Variants in IL1RAPL1 observed in about 807,000 individuals in gnomAD.
IL1RAPL1 encodes the protein interleukin-1 receptor accessory protein-like 1.
Under a neutral mutation model 48.4 loss-of-function variants are expected in IL1RAPL1, and 3 were observed. That is an observed-to-expected ratio of 0.06 (90% confidence interval 0.03 to 0.16). The LOEUF (loss-of-function observed/expected upper bound fraction) is 0.16. Among genes scored for constraint, IL1RAPL1 ranks in the 10% least tolerant of loss-of-function variants. The probability of loss-of-function intolerance (pLI) is 1.00; values close to 1 mark genes in which losing one functional copy is unlikely to be tolerated. For synonymous variants in IL1RAPL1, 185 were observed against 187.7 expected (o/e 0.99, Z 0.12); for missense variants, 349 against 530.6 (o/e 0.66, Z 3.36).
At position 29,928,549 on chromosome X, in the gene IL1RAPL1, C is replaced by T. The variant is rs1368165833; in HGVS notation, c.1057+8455C>T. Among the ~76,000 whole-genome samples the T allele has an allele frequency of 8.9e-5, 10 of 112,052 alleles. No homozygotes were observed. The East Asian group carries it at 2.5e-3, about 28-fold the overall frequency. ...CATATAATGCTGTTGTTTGAAAAAG[C>T]GACAAATCATTCTAATTCAACAAAT... is the stretch of plus-strand genomic sequence containing the variant. On this transcript the variant is annotated intron_variant, in intron 8 of 10. Transcript: ENST00000378993.
chrX:29,165,713 G>A (rs778615642), intron 2 of IL1RAPL1, among the ~76,000 whole-genome samples: 3 of 111,729 alleles, frequency 2.7e-5, no homozygotes, highest in Admixed American at 1.9e-4. Context: ...TTTCTCTTAC[G>A]CTGTGCTATA....
At chrX:29,086,414 C>T (rs368739936) in intron 2 of IL1RAPL1, among the ~76,000 whole-genome samples, 1 of 112,219 alleles carries the variant, frequency 8.9e-6, no homozygotes, top group Non-Finnish European at 1.9e-5. Context: ...ATCTGTCAAT[C>T]TCAAGGTAGA....
chrX:29,492,761 A>C (rs1413234858), intron 5 of IL1RAPL1, among the ~76,000 whole-genome samples: 1 of 111,948 alleles, frequency 8.9e-6, no homozygotes, highest in Non-Finnish European at 1.9e-5. Context: ...GTACAAGGAA[A>C]TATTCATATA....
chrX:29,582,350 TTTTTTTTTTTA>T (rs1922993743), intron 5 of IL1RAPL1, among the ~76,000 whole-genome samples: 1 of 67,851 alleles, frequency 1.5e-5, no homozygotes, highest in Non-Finnish European at 2.7e-5. Context: ...AGATAGCATC[TTTTTTTTTTTA>T]TTTTTTTATT....
Position 29,910,787 on chromosome X carries a change from G to A in IL1RAPL1, c.779-6677G>A, listed in dbSNP as rs190567010. Among the ~76,000 whole-genome samples, 3 of 110,780 alleles carry A rather than the reference G, an allele frequency of 2.7e-5. No homozygotes were observed. In the East Asian group the frequency reaches 8.5e-4, roughly 31 times the overall value. ...TAGCTATATTTAATAATAAAATTTT[G>A]GTTTAATATGAATGTTAGGGACCAC... On this transcript the variant is annotated intron_variant, in intron 6 of 10. Transcript: ENST00000378993.
chrX:28,922,551 A>G (rs746646825), intron 2 of IL1RAPL1, among the ~76,000 whole-genome samples: 1 of 111,949 alleles, frequency 8.9e-6, no homozygotes, highest in South Asian at 3.7e-4. Flanking sequence ...CTGTTGATTC[A>G]TTTCAGAACA....
At chrX:29,753,485 T>G (rs903192020) in intron 6 of IL1RAPL1, among the ~76,000 whole-genome samples, 4 of 112,191 alleles carry the variant, frequency 3.6e-5, no homozygotes, top group Non-Finnish European at 7.5e-5. Context: ...AAGGACAGCC[T>G]TTTGTGTGAC....
rs7062123 is a variant in IL1RAPL1 at position 28,697,844 on chromosome X, G to A, written c.-24-91476G>A. ...AGCATTCAATTTTGATAACAGTGGT[G>A]GGTCCAGAAATCTCAAAAGGCTGAA... On this transcript the variant is annotated intron_variant, in intron 1 of 10. Transcript: ENST00000378993. Among the ~76,000 whole-genome samples, 1,082 of 110,878 alleles carry A rather than the reference G, an allele frequency of 9.8e-3. 16 individuals carry two copies. Among genetic ancestry groups the A allele is most frequent in the African/African-American group, 0.034 (1,025 of 30,572 alleles).
intron 1 of IL1RAPL1, among the ~76,000 whole-genome samples, chrX:28,687,326 C>G (rs955701946): frequency 8.9e-6 from 1 of 111,734 alleles, no homozygotes; most frequent in African/African-American, 3.2e-5. Flanking sequence ...GAATTTAGGT[C>G]TTGTTGGAAG....
At chrX:29,416,058 A>C (rs904156881) in intron 5 of IL1RAPL1, among the ~76,000 whole-genome samples, 1 of 111,494 alleles carries the variant, frequency 9.0e-6, no homozygotes, top group African/African-American at 3.3e-5. Context: ...ACCACAAGCT[A>C]ATTTCTTATT....
intron 1 of IL1RAPL1, among the ~76,000 whole-genome samples, chrX:28,775,513 C>G (rs182338462): frequency 5.6e-4 from 63 of 112,258 alleles, no homozygotes; most frequent in Non-Finnish European, 1.5e-4. Flanking sequence ...TTGATTTTAT[C>G]TGCAGAGCCA....
chrX:28,762,216 G>T (rs1936181200), intron 1 of IL1RAPL1, among the ~76,000 whole-genome samples: 1 of 111,357 alleles, frequency 9.0e-6, no homozygotes, highest in Non-Finnish European at 1.9e-5. Flanking sequence ...CATTATAAAT[G>T]ATGAAAGACA....
At chrX:29,617,368 A>G (rs867745294) in intron 5 of IL1RAPL1, among the ~76,000 whole-genome samples, 6 of 109,523 alleles carry the variant, frequency 5.5e-5, no homozygotes, top group Non-Finnish European at 1.2e-4. Context: ...AGCCAAGATG[A>G]ATATAGAGGA....
Position 28,762,815 on chromosome X carries a change from CACACACACAGAG to C in IL1RAPL1, c.-24-26503_-24-26492del, listed in dbSNP as rs1411868391. 4.9e-4 allele frequency among the ~76,000 whole-genome samples: 26 copies of C among 52,660 alleles called. No homozygotes were observed. In the Admixed American group the frequency reaches 5.1e-3, roughly 10 times the overall value. 45.7% of individuals were successfully genotyped at this position (52,660 alleles called of 115,157 possible). On this transcript the variant is annotated intron_variant, in intron 1 of 10. Transcript: ENST00000378993. ...ACACACACACACACACACACACACACACACACACAGAGAGAGAGAGAGAGAGAGAGAGAGAGA... is the reference window on the plus strand; with the variant it reads ...ACACACACACACACACACACACACACAGAGAGAGAGAGAGAGAGAGAGAGA...
intron 5 of IL1RAPL1, among the ~76,000 whole-genome samples, chrX:29,603,758 C>G (rs921515671): frequency 9.0e-6 from 1 of 111,705 alleles, no homozygotes; most frequent in Non-Finnish European, 1.9e-5. Context: ...TCCAAACATA[C>G]CATTTTCAAA....
At chrX:28,628,687 C>G (rs1215586267) in intron 1 of IL1RAPL1, among the ~76,000 whole-genome samples, 1 of 112,016 alleles carries the variant, frequency 8.9e-6, no homozygotes. Context: ...GAAAGCAACT[C>G]CAAGTCAAAT....
intron 2 of IL1RAPL1, among the ~76,000 whole-genome samples, chrX:28,881,440 A>G (rs1322689318): frequency 2.7e-5 from 3 of 111,542 alleles, no homozygotes; most frequent in Non-Finnish European, 5.7e-5. Flanking sequence ...ACGACAGAGA[A>G]TCTTGTTTGG....
At position 29,058,198 on chromosome X, in the gene IL1RAPL1, A is replaced by AC. The variant is rs370532638; in HGVS notation, c.83-224733dup. ...AGACCATCCTGGCCTACATGGTGAAACCCCCCCGTCTCTACCAAAAATACA... is the reference window on the plus strand; with the variant it reads ...AGACCATCCTGGCCTACATGGTGAAACCCCCCCCGTCTCTACCAAAAATACA... On this transcript the variant is annotated intron_variant, in intron 2 of 10. Coordinates refer to ENST00000378993, the MANE Select transcript of IL1RAPL1 (RefSeq NM_014271.4). 3.7e-3 allele frequency among the ~76,000 whole-genome samples: 403 copies of AC among 109,268 alleles called. 2 individuals carry two copies. The highest frequency in any genetic ancestry group is 0.012 in the African/African-American group (357 of 30,006). 94.9% of individuals were successfully genotyped at this position (109,268 alleles called of 115,157 possible). A position where few individuals can be genotyped will look rare whatever the true frequency, so the allele number is the denominator to read the frequency against.
intron 5 of IL1RAPL1, among the ~76,000 whole-genome samples, chrX:29,517,307 C>A (rs1285069437): frequency 2.8e-5 from 3 of 108,813 alleles, no homozygotes; most frequent in African/African-American, 1.0e-4. Context: ...AGACATATAT[C>A]CTTATGATTT....
Sources: allele counts gnomAD v4.1 joint callset (sites outside exome capture counted in the v4.1 genomes callset), GRCh38; gene constraint gnomAD v4.1.1; transcripts MANE v1.5; gene names NCBI Gene and HGNC (gene_info 2026-07-23, HGNC 2026-07-21).